CA10: variants seen among roughly 807,000 people sequenced by gnomAD.
The protein encoded by CA10 is carbonic anhydrase-related protein 10.
Under a neutral mutation model 44.2 loss-of-function variants are expected in CA10, and 14 were observed. The ratio of observed to expected loss-of-function variants is 0.32; its 90% CI spans 0.21 to 0.50. The LOEUF (loss-of-function observed/expected upper bound fraction) is 0.50. Among genes scored for constraint, CA10 ranks in the 20% least tolerant of loss-of-function variants. The pLI is 0.99. For missense variants in CA10, 350 were observed against 409.7 expected, an observed-to-expected ratio of 0.85 and a Z score of 1.26; for synonymous variants, 159 against 141.6, an observed-to-expected ratio of 1.12 and a Z score of -0.87.
chr17:51,821,057 C>CT, intron 3 of CA10, among the ~76,000 whole-genome samples: 1 of 115,340 alleles, frequency 8.7e-6, no homozygotes, highest in African/African-American at 3.5e-5. Context: ...CCCTCCCTCC[C>CT]TCCCTCTCTC....
At chr17:52,084,047 G>A (rs1988052742) in intron 1 of CA10, among the ~76,000 whole-genome samples, 1 of 152,138 alleles carries the variant, frequency 6.6e-6, no homozygotes, top group South Asian at 2.1e-4. Flanking sequence ...AAGACTTAAA[G>A]AGCCTCTGAG....
intron 3 of CA10, among the ~76,000 whole-genome samples, chr17:51,905,922 A>T (rs531123759): frequency 6.6e-6 from 1 of 152,134 alleles, no homozygotes; most frequent in East Asian, 1.9e-4. Context: ...AGCTGTACCC[A>T]CACAGAAACC....
At chr17:51,825,701 G>A (rs1234304999) in intron 3 of CA10, among the ~76,000 whole-genome samples, 1 of 152,178 alleles carries the variant, frequency 6.6e-6, no homozygotes, top group Non-Finnish European at 1.5e-5. Context: ...CAAACATAGT[G>A]TCTTGCCTAT....
chr17:51,747,649 T>C lies in CA10; in HGVS notation c.449A>G (p.Gln150Arg). Residue 150 changes from glutamine (Q) to arginine (R), a missense_variant, in exon 4 of 9, where the codon CAG becomes CGG. Coordinates refer to ENST00000451037, the MANE Select transcript of CA10 (RefSeq NM_020178.5). Reference sequence around the variant, plus strand: ...CTAACATACCTCCCCAGAGAAGGCCTGTCCATTGAGGAGGTGCTCCGACCC... The same window carrying C: ...CTAACATACCTCCCCAGAGAAGGCCCGTCCATTGAGGAGGTGCTCCGACCC... ...SQGSEHLLNG[Q>R]AFSGEVQLIH... 1 of 1,612,856 alleles carries C rather than the reference T, an allele frequency of 6.2e-7. No homozygotes were observed. The highest frequency in any genetic ancestry group is 8.5e-7 in the Non-Finnish European group (1 of 1,179,482).
At chr17:51,870,082 G>C (rs1392876900) in intron 3 of CA10, among the ~76,000 whole-genome samples, 1 of 152,130 alleles carries the variant, frequency 6.6e-6, no homozygotes, top group Non-Finnish European at 1.5e-5. Context: ...GAACTTTTAG[G>C]ATTCAAGAAT....
chr17:51,718,463 G>A (rs112801918), intron 4 of CA10, among the ~76,000 whole-genome samples: 380 of 152,256 alleles, frequency 2.5e-3, no homozygotes, highest in African/African-American at 8.5e-3. Context: ...GTTCCTGGAA[G>A]GCAGTGGGCT....
chr17:52,138,443 C>T (rs1327305594), intron 1 of CA10, among the ~76,000 whole-genome samples: 3 of 152,176 alleles, frequency 2.0e-5, no homozygotes, highest in African/African-American at 7.2e-5. Flanking sequence ...TATTCTTCAG[C>T]CAACTCACTA....
intron 2 of CA10, among the ~76,000 whole-genome samples, chr17:51,968,306 T>C (rs1008632642): frequency 6.6e-5 from 10 of 151,902 alleles, no homozygotes; most frequent in Non-Finnish European, 1.3e-4. Flanking sequence ...ATACCCTAAA[T>C]GTCCTTCAAC....
chr17:52,023,414 C>A (rs1185175652), intron 2 of CA10, among the ~76,000 whole-genome samples: 2 of 152,064 alleles, frequency 1.3e-5, no homozygotes, highest in Admixed American at 6.6e-5. Flanking sequence ...ACTGGCTGTG[C>A]ATATGCAGAA....
In CA10 at chr17:51,858,288, A is replaced by G. The variant is rs559048801; in HGVS notation, c.279+72702T>C. ...TATTAAAAGCAGAAGCAAAATAGGC[A>G]GATGAGAGCTTCATTTTATACTGAG... is the stretch of plus-strand genomic sequence containing the variant. On this transcript the variant is annotated intron_variant, in intron 3 of 8. Coordinates refer to ENST00000451037, the MANE Select transcript of CA10 (RefSeq NM_020178.5). Among the ~76,000 whole-genome samples the G allele has an allele frequency of 2.0e-5, 3 of 152,308 alleles. No homozygotes were observed. The East Asian group carries it at 5.8e-4, about 29-fold the overall frequency.
intron 1 of CA10, among the ~76,000 whole-genome samples, chr17:52,077,596 C>T (rs1426278485): frequency 1.3e-5 from 2 of 151,084 alleles, no homozygotes; most frequent in African/African-American, 2.4e-5. Flanking sequence ...TTTTTGTTAT[C>T]CAGTTCTGTT....
intron 3 of CA10, among the ~76,000 whole-genome samples, chr17:51,849,540 T>C (rs1323367107): frequency 2.6e-5 from 4 of 151,968 alleles, no homozygotes; most frequent in Non-Finnish European, 4.4e-5. Context: ...CACCATTCAT[T>C]AGCTGTGACG....
At chr17:51,659,690 C>T (rs550939664) in intron 4 of CA10, among the ~76,000 whole-genome samples, 3 of 152,246 alleles carry the variant, frequency 2.0e-5, no homozygotes, top group South Asian at 4.1e-4. Flanking sequence ...GTGTGAGAGA[C>T]GATGCCAGCA....
chr17:52,021,776 C>G (rs747388461), intron 2 of CA10, among the ~76,000 whole-genome samples: 3 of 152,052 alleles, frequency 2.0e-5, no homozygotes, highest in Non-Finnish European at 4.4e-5. Flanking sequence ...TTATGAACAC[C>G]TCTATGCACA....
intron 2 of CA10, among the ~76,000 whole-genome samples, chr17:52,040,154 T>G (rs546406836): frequency 6.6e-6 from 1 of 150,660 alleles, no homozygotes; most frequent in Non-Finnish European, 1.5e-5. Context: ...TCTTTTTTTT[T>G]TTTTTGGAGT....
chr17:51,788,422 C>T (rs1252182370), intron 3 of CA10, among the ~76,000 whole-genome samples: 3 of 152,180 alleles, frequency 2.0e-5, no homozygotes, highest in Non-Finnish European at 4.4e-5. Flanking sequence ...GTGTATTCTG[C>T]AGCCACTGGG....
intron 2 of CA10, among the ~76,000 whole-genome samples, chr17:52,051,972 T>C (rs1008360527): frequency 6.6e-6 from 1 of 152,062 alleles, no homozygotes; most frequent in African/African-American, 2.4e-5. Flanking sequence ...GATCACGTCC[T>C]TTGCAAGGAC....
At chr17:51,649,976 G>A in intron 5 of CA10, among the ~76,000 whole-genome samples, 1 of 106,194 alleles carries the variant, frequency 9.4e-6, no homozygotes, top group African/African-American at 3.3e-5. Context: ...CATCCATCCA[G>A]CCAGCCAGTC....
intron 4 of CA10, among the ~76,000 whole-genome samples, chr17:51,718,978 A>G (rs913307039): frequency 6.6e-6 from 1 of 152,128 alleles, no homozygotes; most frequent in African/African-American, 2.4e-5. Context: ...AGCATCACAC[A>G]TGGGAAGCAT....
Sources: allele counts gnomAD v4.1 joint callset (sites outside exome capture counted in the v4.1 genomes callset), GRCh38; gene constraint gnomAD v4.1.1; transcripts MANE v1.5; gene names NCBI Gene and HGNC (gene_info 2026-07-23, HGNC 2026-07-21).